The following YTHDC2 variants were observed in gnomAD, a reference collection of about 807,000 sequenced individuals.
The protein encoded by YTHDC2 is YTH N6-methyladenosine RNA binding protein C2, also known as 3'-5' RNA helicase YTHDC2.
YTHDC2 carries 45 observed loss-of-function variants against 174.9 expected under a neutral mutation model. The ratio of observed to expected loss-of-function variants is 0.26; its 90% CI spans 0.20 to 0.33. The LOEUF (loss-of-function observed/expected upper bound fraction) is 0.33, where lower values mean the gene tolerates loss of function less well. Ranked by LOEUF, YTHDC2 falls within the 10% of genes least tolerant of loss-of-function variation. The pLI, the probability that YTHDC2 is intolerant of heterozygous loss-of-function variation, is 1.00. For missense variants in YTHDC2, 1,650 were observed against 1,723.7 expected (o/e 0.96, Z 0.76); for synonymous variants, 657 against 574.5 (o/e 1.14, Z -2.05).
chr5:113,554,001 T>A lies in YTHDC2; in HGVS notation c.2112T>A (p.Ile704=), dbSNP rs1182662409. The A allele has an allele frequency of 6.4e-7, 1 of 1,573,442 alleles. No individual in the cohort carries two copies. The highest frequency in any genetic ancestry group is 8.6e-7 in the Non-Finnish European group (1 of 1,161,724). ...SITVNDVVFV[I]DSGKVKEKSF... ...CAGTCAATGATGTTGTCTTTGTTAT[T>A]GATTCTGGTAAGGTGAAAGAGGTAT... Residue 704 remains isoleucine, a synonymous_variant, in exon 16 of 30, where the codon ATT becomes ATA. Transcript: ENST00000161863.
At chr5:113,514,257 C>T (rs1032827180) in intron 1 of YTHDC2, 175 bp downstream of exon 1, 20 of 786,190 alleles carry the variant, frequency 2.5e-5, no homozygotes, top group Admixed American at 6.0e-5. Context: ...CGGCTGTTGG[C>T]CCTGCGGTGG....
chr5:113,558,113 A>G (rs1156623030), intron 17 of YTHDC2, among the ~76,000 whole-genome samples: 1 of 152,240 alleles, frequency 6.6e-6, no homozygotes, highest in African/African-American at 2.4e-5. Flanking sequence ...AGGCAGAGGG[A>G]AAGTATAACC....
chr5:113,553,145 A>G (rs1379487657), intron 12 of YTHDC2, 36 bp from the exon 13 acceptor site: 1 of 1,455,618 alleles, frequency 6.9e-7, no homozygotes, highest in Non-Finnish European at 9.0e-7. Flanking sequence ...TGTTAATGGA[A>G]ATTGACTTTG....
intron 23 of YTHDC2, among the ~76,000 whole-genome samples, chr5:113,574,727 G>C (rs893751717): frequency 6.6e-6 from 1 of 152,114 alleles, no homozygotes; most frequent in African/African-American, 2.4e-5. Flanking sequence ...TTGGCTTCCT[G>C]GATTCAGCCC....
At chr5:113,564,618 C>A (rs1490384015) in intron 20 of YTHDC2, among the ~76,000 whole-genome samples, 1 of 151,902 alleles carries the variant, frequency 6.6e-6, no homozygotes, top group East Asian at 1.9e-4. Context: ...ACTTAAAAAC[C>A]TTTTAAGATA....
intron 18 of YTHDC2, among the ~76,000 whole-genome samples, chr5:113,561,430 A>G (rs1335703648): frequency 6.6e-6 from 1 of 151,086 alleles, no homozygotes; most frequent in Non-Finnish European, 1.5e-5. Flanking sequence ...TAAAGGATAT[A>G]TATATATTTT....
chr5:113,540,235 G>A (rs958057297), intron 8 of YTHDC2, among the ~76,000 whole-genome samples: 7 of 152,130 alleles, frequency 4.6e-5, no homozygotes, highest in African/African-American at 9.7e-5. Context: ...GAAAACTAGC[G>A]TGGTGGTAGA....
At chr5:113,518,583 G>C (rs371843473) in intron 2 of YTHDC2, among the ~76,000 whole-genome samples, 4,824 of 127,194 alleles carry the variant, frequency 0.038, 118 homozygotes, top group East Asian at 0.097. Flanking sequence ...GTGTGTGTGT[G>C]TGTGTGTGTG....
intron 27 of YTHDC2, 128 bp from the exon 28 acceptor site, chr5:113,591,868 A>T: frequency 2.8e-6 from 2 of 704,826 alleles, no homozygotes; most frequent in Non-Finnish European, 4.0e-6. Context: ...TGTTTTTGTT[A>T]GGTATCTGTT....
At chr5:113,561,957 G>GTGTGTGTGT (rs1554099024) in intron 18 of YTHDC2, among the ~76,000 whole-genome samples, 10 of 134,960 alleles carry the variant, frequency 7.4e-5, no homozygotes, top group Non-Finnish European at 1.2e-4. Flanking sequence ...ATTAATTGTG[G>GTGTGTGTGT]GTGTGTGTGT....
intron 17 of YTHDC2, among the ~76,000 whole-genome samples, chr5:113,560,530 C>G (rs1202938136): frequency 6.6e-6 from 1 of 152,156 alleles, no homozygotes; most frequent in Non-Finnish European, 1.5e-5. Flanking sequence ...TTCTATATCT[C>G]TATCCCTAAG....
Position 113,567,705 on chromosome 5 carries a change from T to C in YTHDC2, c.3100T>C (p.Trp1034Arg). ...AAAIKALPTD[W>R]LIYDEMTRAH... Reference sequence around the variant, plus strand: ...AGCAATTAAGGCACTGCCCACAGATTGGCTTATTTATGATGAAATGACCAG... The same window carrying C: ...AGCAATTAAGGCACTGCCCACAGATCGGCTTATTTATGATGAAATGACCAG... The change falls in exon 23 of 30, where the codon TGG becomes CGG. Residue 1034 changes from tryptophan (W) to arginine (R), a missense_variant. Around this residue, in one of 5 missense-constraint regions of YTHDC2, gnomAD observed 913 missense variants for 940.4 expected, o/e 0.97. Coordinates refer to ENST00000161863, the MANE Select transcript of YTHDC2 (RefSeq NM_022828.5). 1.2e-6 allele frequency: 2 copies of C among 1,608,536 alleles called. No homozygotes were observed. Among genetic ancestry groups the C allele is most frequent in the Non-Finnish European group, 1.7e-6 (2 of 1,177,782 alleles).
intron 25 of YTHDC2, chr5:113,583,346 A>C (rs1450339197): frequency 6.6e-6 from 1 of 152,206 alleles, no homozygotes; most frequent in African/African-American, 2.4e-5. Flanking sequence ...AAACAAAATA[A>C]TGTTAGATAA....
intron 26 of YTHDC2, among the ~76,000 whole-genome samples, chr5:113,589,011 GT>G: frequency 6.6e-6 from 1 of 152,120 alleles, no homozygotes; most frequent in South Asian, 2.1e-4. Context: ...ATAATGTATT[GT>G]TTTTACTTTA....
chr5:113,525,139 C>G lies in YTHDC2; in HGVS notation c.437C>G (p.Pro146Arg), dbSNP rs1480511637. The G allele has an allele frequency of 6.2e-7, 1 of 1,603,848 alleles. No homozygotes were observed. The change falls in exon 3 of 30, where the codon CCT (proline) becomes CGT (arginine). Residue 146 changes from proline to arginine, a missense_variant. By Grantham distance (103) the Pro-to-Arg change is moderately radical (BLOSUM62 -2). Around this residue, in one of 5 missense-constraint regions of YTHDC2, gnomAD observed 304 missense variants for 341.4 expected, o/e 0.89. Transcript: ENST00000161863. ...AATAAAGAGCGTACAGAACTTCTGCCTAAAACAGAAAGAGGAAATGTGTTT... is the reference window on the plus strand; with the variant it reads ...AATAAAGAGCGTACAGAACTTCTGCGTAAAACAGAAAGAGGAAATGTGTTT... ...VTNKERTELLPKTERGNVFAV... is the reference protein window; with the variant it reads ...VTNKERTELLRKTERGNVFAV...
chr5:113,591,783 G>T (rs182708394), intron 27 of YTHDC2, among the ~76,000 whole-genome samples: 10 of 152,190 alleles, frequency 6.6e-5, no homozygotes, highest in Admixed American at 1.3e-4. Flanking sequence ...ATTTGAAATT[G>T]TTAGGAGGCT....
Position 113,514,069 on chromosome 5 carries a change from C to T in YTHDC2, c.174C>T (p.Tyr58=). 1 of 1,611,838 alleles carries T rather than the reference C, an allele frequency of 6.2e-7. No homozygotes were observed. The highest frequency in any genetic ancestry group is 1.3e-5 in the African/African-American group (1 of 74,952). ...ATATCGCGCTGGAGCGCTTCCGATA[C>T]GGGGACCAGAGAGGTGAGGTTCCGG... ...AVNIALERFR[Y]GDQREMEFPS... is the part of the protein sequence containing the mutation. The change falls in exon 1 of 30, where the codon TAC becomes TAT. Residue 58 remains tyrosine, a synonymous_variant. Coordinates refer to ENST00000161863, the MANE Select transcript of YTHDC2 (RefSeq NM_022828.5).
At position 113,539,148 on chromosome 5, in the gene YTHDC2, G is replaced by C. The variant is rs752118385; in HGVS notation, c.1177G>C (p.Glu393Gln). ...AAGAACAACTGGATATACAAACAAA[G>C]AAATGTTAAAATATAAAAAGGAAAA... is the stretch of plus-strand genomic sequence containing the variant. Reference protein sequence around the residue: ...ILRTTGYTNKEMLKYKKEKQQ... With the variant: ...ILRTTGYTNKQMLKYKKEKQQ... Residue 393 changes from glutamate (E) to glutamine (Q), a missense_variant, in exon 8 of 30, where the codon GAA becomes CAA. By Grantham distance (29) the Glu-to-Gln change is conservative. This residue lies in a region of YTHDC2 where 411 missense variants were observed against 380.6 expected (regional missense o/e 1.08). Coordinates refer to ENST00000161863, the MANE Select transcript of YTHDC2 (RefSeq NM_022828.5). 4.1e-5 allele frequency: 57 copies of C among 1,399,984 alleles called. No homozygotes were observed. Among genetic ancestry groups the C allele is most frequent in the Non-Finnish European group, 5.2e-5 (54 of 1,043,790 alleles). The allele number at this position is 1,399,984 out of a possible 1,614,324, so 86.7% of individuals were successfully genotyped here.
chr5:113,550,738 AAAACCAT>A (rs1426200135), intron 12 of YTHDC2, among the ~76,000 whole-genome samples: 1 of 152,156 alleles, frequency 6.6e-6, no homozygotes, highest in African/African-American at 2.4e-5. Flanking sequence ...TAACTTCTAT[AAAACCAT>A]TTACCACCAC....
Sources: allele counts gnomAD v4.1 joint callset (sites outside exome capture counted in the v4.1 genomes callset), GRCh38; gene constraint gnomAD v4.1.1; regional missense constraint gnomAD v4.1.1; transcripts MANE v1.5; gene names NCBI Gene and HGNC (gene_info 2026-07-23, HGNC 2026-07-21).